The following NXNL2 variants were observed in gnomAD, a reference collection of about 807,000 sequenced individuals.
NXNL2 encodes the protein nucleoredoxin like 2, also known as nucleoredoxin-like protein 2.
A neutral mutation model predicts 11.1 loss-of-function variants in NXNL2; 7 were observed. That is an observed-to-expected ratio of 0.63 (90% confidence interval 0.36 to 1.18). The LOEUF (loss-of-function observed/expected upper bound fraction) is 1.18, where lower values mean the gene tolerates loss of function less well. NXNL2 is among the 50% of genes most tolerant of loss of function. The pLI is 0.02. For synonymous variants in NXNL2, 109 were observed against 101.8 expected (o/e 1.07, Z -0.42); for missense variants, 233 against 217.7 (o/e 1.07, Z -0.44).
intron 1 of NXNL2, among the ~76,000 whole-genome samples, chr9:88,553,346 CA>C (rs1386082902): frequency 6.6e-6 from 1 of 151,594 alleles, no homozygotes; most frequent in African/African-American, 2.4e-5. Context: ...AATTCTGTCT[CA>C]AAAAAGCCCA....
At chr9:88,560,261 C>A (rs1431057778) in intron 1 of NXNL2, among the ~76,000 whole-genome samples, 1 of 151,756 alleles carries the variant, frequency 6.6e-6, no homozygotes, top group African/African-American at 2.4e-5. Flanking sequence ...CCCTGAGATC[C>A]TGTCATTGCC....
At chr9:88,568,157 C>A (rs1376628756) in intron 1 of NXNL2, among the ~76,000 whole-genome samples, 1 of 152,196 alleles carries the variant, frequency 6.6e-6, no homozygotes, top group East Asian at 1.9e-4. Flanking sequence ...TAGCCCAGCA[C>A]TGCAGCCACA....
intron 1 of NXNL2, among the ~76,000 whole-genome samples, chr9:88,540,029 T>C (rs1416242866): frequency 6.6e-6 from 1 of 151,772 alleles, no homozygotes; most frequent in Admixed American, 6.6e-5. Context: ...TGCTTAGGCA[T>C]TTTAAATTTT....
intron 1 of NXNL2, among the ~76,000 whole-genome samples, chr9:88,551,560 C>A (rs113108029): frequency 0.037 from 5,689 of 152,168 alleles, 150 homozygotes; most frequent in Non-Finnish European, 0.057. Flanking sequence ...AAAGCAGTAT[C>A]TCCTCATACC....
intron 1 of NXNL2, among the ~76,000 whole-genome samples, chr9:88,536,060 T>C (rs1829611555): frequency 6.6e-6 from 1 of 152,180 alleles, no homozygotes; most frequent in Non-Finnish European, 1.5e-5. Context: ...GTGGTGGTGA[T>C]GCTGTGAGTT....
downstream of NXNL2, among the ~76,000 whole-genome samples, chr9:88,548,480 G>C (rs1293665903): frequency 6.7e-6 from 1 of 148,210 alleles, no homozygotes; most frequent in African/African-American, 2.5e-5. Flanking sequence ...TGGCTAATAT[G>C]GTGAAACCCT....
intron 1 of NXNL2, among the ~76,000 whole-genome samples, chr9:88,567,967 A>G (rs916320464): frequency 6.6e-6 from 1 of 152,090 alleles, no homozygotes; most frequent in African/African-American, 2.4e-5. Flanking sequence ...CCCTCCTTAA[A>G]TTTTGCAACC....
chr9:88,535,820 C>T (rs914701916), intron 1 of NXNL2, 84 bp downstream of exon 1: 3 of 1,073,014 alleles, frequency 2.8e-6, no homozygotes, highest in African/African-American at 1.6e-5. Flanking sequence ...CACTGGGGAG[C>T]TCTTTATGAC....
intron 1 of NXNL2, among the ~76,000 whole-genome samples, chr9:88,558,383 A>G (rs1377415020): frequency 6.6e-6 from 1 of 152,110 alleles, no homozygotes; most frequent in African/African-American, 2.4e-5. Context: ...TCTCATATGC[A>G]TCTCCCTAAG....
downstream of NXNL2, among the ~76,000 whole-genome samples, chr9:88,579,328 C>T (rs1267862713): frequency 2.0e-5 from 3 of 152,308 alleles, no homozygotes; most frequent in East Asian, 1.9e-4. Context: ...CTGACCTCTT[C>T]TAGTTACAGG....
At chr9:88,547,434 C>T (rs1829859849), downstream of NXNL2, among the ~76,000 whole-genome samples, 1 of 152,184 alleles carries the variant, frequency 6.6e-6, no homozygotes, top group Admixed American at 6.5e-5. Flanking sequence ...ATATAACCTA[C>T]ACACACCACA....
At position 88,575,001 on chromosome 9, in the gene NXNL2, A is replaced by T. The variant is rs187753741; in HGVS notation, c.*17-86A>T. ...TAATTTCTTTTTGTAGGACTCTTTG[A>T]TTTTGCAACTGCATTTTTAAGCTTA... is the stretch of plus-strand genomic sequence containing the variant. On this transcript the variant is annotated intron_variant, in intron 2 of 2. Coordinates refer to the NXNL2 transcript ENST00000375855. The T allele has an allele frequency of 3.1e-4, 77 of 249,590 alleles. No homozygotes were observed. The East Asian group carries it at 9.8e-3, about 32-fold the overall frequency. The allele number at this position is 249,590 out of a possible 1,614,324, so 15.5% of individuals were successfully genotyped here. A position where few individuals can be genotyped will look rare whatever the true frequency, so the allele number is the denominator to read the frequency against.
chr9:88,544,172 AAAAAAG>A (rs754295788), intron 1 of NXNL2, among the ~76,000 whole-genome samples: 11 of 152,170 alleles, frequency 7.2e-5, no homozygotes, highest in South Asian at 2.1e-4. Flanking sequence ...ACTCCATCTC[AAAAAAG>A]AAAAAGAAAA....
chr9:88,546,693 T>A (rs1436931372), downstream of NXNL2, among the ~76,000 whole-genome samples: 2 of 151,988 alleles, frequency 1.3e-5, no homozygotes, highest in Non-Finnish European at 2.9e-5. Context: ...GTGATTACAG[T>A]CATGAGCCAC....
At position 88,535,481 on chromosome 9, in the gene NXNL2, C is replaced by T. The variant is rs755736322; in HGVS notation, c.47C>T (p.Ala16Val). Residue 16 changes from alanine to valine, a missense_variant, in exon 1 of 2, where the codon GCG becomes GTG. Coordinates refer to ENST00000375854, the MANE Select transcript of NXNL2 (RefSeq NM_001161625.2). ...GERHLVTCKG[A>V]TVEAEAALQN... ...CGGCACCTGGTGACCTGTAAGGGCGCGACGGTGGAGGCCGAGGCGGCGCTG... is the reference window on the plus strand; with the variant it reads ...CGGCACCTGGTGACCTGTAAGGGCGTGACGGTGGAGGCCGAGGCGGCGCTG... 5 of 1,608,986 alleles carry T rather than the reference C, an allele frequency of 3.1e-6. No individual in the cohort carries two copies. The highest frequency in any genetic ancestry group is 3.3e-5 in the Admixed American group (2 of 59,814).
chr9:88,543,455 A>G (rs1217560103), intron 1 of NXNL2, among the ~76,000 whole-genome samples: 7 of 151,968 alleles, frequency 4.6e-5, no homozygotes, highest in Non-Finnish European at 7.4e-5. Context: ...TTGTAGAGAC[A>G]AGGTCTCACT....
At chr9:88,575,153 T>C (rs1045995976) in exon 3 of NXNL2, 2 of 985,182 alleles carry the variant, frequency 2.0e-6, no homozygotes, top group African/African-American at 1.7e-5. Flanking sequence ...AGTGCAGCTG[T>C]TCTCCCCCCG....
At chr9:88,553,808 T>C (rs1262075867) in intron 1 of NXNL2, among the ~76,000 whole-genome samples, 1 of 152,202 alleles carries the variant, frequency 6.6e-6, no homozygotes, top group Non-Finnish European at 1.5e-5. Context: ...ACATTTGCAG[T>C]GATAAGGCAT....
chr9:88,546,142 AGTGTTC>A (rs1829841958), downstream of NXNL2, among the ~76,000 whole-genome samples: 2 of 125,096 alleles, frequency 1.6e-5, no homozygotes, highest in South Asian at 5.5e-4. Context: ...CCATAAACTG[AGTGTTC>A]GTGTGTGTGT....
Sources: allele counts gnomAD v4.1 joint callset (sites outside exome capture counted in the v4.1 genomes callset), GRCh38; gene constraint gnomAD v4.1.1; transcripts MANE v1.5; gene names NCBI Gene and HGNC (gene_info 2026-07-23, HGNC 2026-07-21).